The following OCIAD2 variants were observed in gnomAD, a reference collection of about 807,000 sequenced individuals.
OCIAD2 encodes the protein OCIA domain-containing protein 2.
Under a neutral mutation model 22.9 loss-of-function variants are expected in OCIAD2, and 29 were observed. That is an observed-to-expected ratio of 1.27 (90% CI 0.94 to 1.73). The LOEUF is 1.73. OCIAD2 is among the 40% of genes most tolerant of loss of function. The pLI, the probability that OCIAD2 is intolerant of heterozygous loss-of-function variation, is 0.00. For synonymous variants in OCIAD2, 67 were observed against 60.2 expected (o/e 1.11, Z -0.52); for missense variants, 189 against 180.3 (o/e 1.05, Z -0.28).
chr4:48,903,237 G>A (rs1263421378), intron 2 of OCIAD2, among the ~76,000 whole-genome samples: 1 of 152,096 alleles, frequency 6.6e-6, no homozygotes, highest in Non-Finnish European at 1.5e-5. Context: ...TTGTTTCCAT[G>A]TTAACACTTG....
intron 4 of OCIAD2, 43 bp from the exon 5 acceptor site, chr4:48,894,096 A>G (rs765281608): frequency 3.9e-6 from 4 of 1,016,710 alleles, no homozygotes; most frequent in Non-Finnish European, 5.5e-6. Context: ...CATTTCATAA[A>G]TTAAATTATA....
chr4:48,889,332 A>G (rs573370145), intron 6 of OCIAD2, among the ~76,000 whole-genome samples: 1 of 152,056 alleles, frequency 6.6e-6, no homozygotes, highest in South Asian at 2.1e-4. Flanking sequence ...TTATGTCTCT[A>G]TCTCCTGAAA....
chr4:48,895,261 T>C (rs1202759351), intron 4 of OCIAD2, among the ~76,000 whole-genome samples: 3 of 152,222 alleles, frequency 2.0e-5, no homozygotes, highest in Admixed American at 2.0e-4. Context: ...AGTCACTCTG[T>C]GGTAATTTGT....
intron 6 of OCIAD2, among the ~76,000 whole-genome samples, chr4:48,889,058 T>G (rs1326332692): frequency 6.6e-6 from 1 of 152,234 alleles, no homozygotes; most frequent in East Asian, 1.9e-4. Flanking sequence ...CTTCCTGGTT[T>G]AGTCTTGGGA....
rs1781208180 is a variant in OCIAD2, at chr4:48,892,857, C to G, written c.298G>C (p.Val100Leu). ...AGLLGFGLGKVSYIGVCQSKF... is the reference protein window; with the variant it reads ...AGLLGFGLGKLSYIGVCQSKF... ...CTCTGGCATACTCCTATGTATGATACCTTTCCAAGGCCAAATCCCAAGAGA... is the reference window on the plus strand; with the variant it reads ...CTCTGGCATACTCCTATGTATGATAGCTTTCCAAGGCCAAATCCCAAGAGA... Residue 100 changes from valine (V) to leucine (L), a missense_variant, in exon 6 of 7, where the codon GTA (valine) becomes CTA (leucine). Val to Leu is a conservative substitution (Grantham distance 32, BLOSUM62 1). Coordinates refer to ENST00000508632, the MANE Select transcript of OCIAD2 (RefSeq NM_001014446.3). 1.2e-6 allele frequency: 2 copies of G among 1,610,204 alleles called. No individual in the cohort carries two copies. The highest frequency in any genetic ancestry group is 3.4e-5 in the Admixed American group (2 of 59,626).
At chr4:48,899,374 C>T (rs148286357) in intron 3 of OCIAD2, among the ~76,000 whole-genome samples, 15 of 152,208 alleles carry the variant, frequency 9.9e-5, no homozygotes, top group African/African-American at 3.4e-4. Context: ...ATTAATGGAA[C>T]GCGGCCATTC....
chr4:48,894,271 A>G (rs1285221152), intron 4 of OCIAD2, among the ~76,000 whole-genome samples: 1 of 152,088 alleles, frequency 6.6e-6, no homozygotes, highest in Non-Finnish European at 1.5e-5. Flanking sequence ...CGGGCAGATC[A>G]CCTGAGGTCA....
At chr4:48,885,634 T>C (rs756139066) in intron 6 of OCIAD2, 69 bp from the exon 7 acceptor site, 13 of 776,292 alleles carry the variant, frequency 1.7e-5, no homozygotes, top group Non-Finnish European at 2.7e-5. Flanking sequence ...TTACATAACA[T>C]ATTATTCTTA....
At chr4:48,889,421 A>C (rs1781098519) in intron 6 of OCIAD2, among the ~76,000 whole-genome samples, 1 of 152,336 alleles carries the variant, frequency 6.6e-6, no homozygotes. Flanking sequence ...CAAGAAAAAA[A>C]CAACCCCATC....
At chr4:48,887,123 G>T (rs1182437017) in intron 6 of OCIAD2, among the ~76,000 whole-genome samples, 2 of 152,110 alleles carry the variant, frequency 1.3e-5, no homozygotes, top group Admixed American at 1.3e-4. Context: ...GTGTCTTTTG[G>T]CTGCATAAAT....
intron 3 of OCIAD2, among the ~76,000 whole-genome samples, chr4:48,898,707 T>C (rs1781353706): frequency 2.0e-5 from 3 of 152,182 alleles, no homozygotes; most frequent in Non-Finnish European, 4.4e-5. Context: ...AAAATCCAAA[T>C]TAAAGATTAC....
chr4:48,892,590 G>A (rs138311968), intron 6 of OCIAD2, among the ~76,000 whole-genome samples, 182 bp downstream of exon 6: 11 of 152,238 alleles, frequency 7.2e-5, no homozygotes, highest in African/African-American at 2.2e-4. Context: ...AATGAAATTG[G>A]TAAGTAAGTG....
Position 48,885,059 on chromosome 4 carries a change from C to T in OCIAD2, c.*425G>A, listed in dbSNP as rs770399438. The T allele has an allele frequency of 5.1e-4, 90 of 176,620 alleles. No homozygotes were observed. The highest frequency in any genetic ancestry group is 5.1e-3 in the Middle Eastern group (2 of 392). 10.9% of individuals were successfully genotyped at this position (176,620 alleles called of 1,614,324 possible). A position where few individuals can be genotyped will look rare whatever the true frequency, so the allele number is the denominator to read the frequency against. ...GGAGTGCAGTGGCACAATCTCTGCT[C>T]GCTGCAACTTTCGCCTCCTGGGTTC... is the stretch of plus-strand genomic sequence containing the variant. On this transcript the variant is annotated 3_prime_UTR_variant, in exon 7 of 7. Coordinates refer to ENST00000508632, the MANE Select transcript of OCIAD2 (RefSeq NM_001014446.3).
At chr4:48,891,664 G>A (rs1300927059) in intron 6 of OCIAD2, among the ~76,000 whole-genome samples, 1 of 152,198 alleles carries the variant, frequency 6.6e-6, no homozygotes, top group African/African-American at 2.4e-5. Context: ...CTTTACTTGT[G>A]CTACTTTTTC....
chr4:48,901,774 G>C (rs1379167062), intron 2 of OCIAD2, among the ~76,000 whole-genome samples: 1 of 151,788 alleles, frequency 6.6e-6, no homozygotes, highest in Non-Finnish European at 1.5e-5. Context: ...ACAGGGTCTC[G>C]CTCTGTCACC....
At chr4:48,891,969 T>A (rs897944177) in intron 6 of OCIAD2, among the ~76,000 whole-genome samples, 1 of 152,212 alleles carries the variant, frequency 6.6e-6, no homozygotes, top group African/African-American at 2.4e-5. Flanking sequence ...GCCCCATCTA[T>A]CACTACAGGA....
chr4:48,887,655 G>A (rs971825016), intron 6 of OCIAD2, among the ~76,000 whole-genome samples: 14 of 152,148 alleles, frequency 9.2e-5, no homozygotes, highest in African/African-American at 1.7e-4. Context: ...GTAGATATGC[G>A]GCATTATTTC....
chr4:48,885,373 G>A lies in OCIAD2; in HGVS notation c.*111C>T. The A allele has an allele frequency of 1.4e-6, 1 of 728,630 alleles. No individual in the cohort carries two copies. The highest frequency in any genetic ancestry group is 2.5e-6 in the Non-Finnish European group (1 of 402,420). 45.1% of individuals were successfully genotyped at this position (728,630 alleles called of 1,614,324 possible). A position where few individuals can be genotyped will look rare whatever the true frequency, so the allele number is the denominator to read the frequency against. ...ACGGAATACATTTCAGTGAGTGACAGACACAATGTTTTTGTTCCATTAGAA... is the reference window on the plus strand; with the variant it reads ...ACGGAATACATTTCAGTGAGTGACAAACACAATGTTTTTGTTCCATTAGAA... On this transcript the variant is annotated 3_prime_UTR_variant, in exon 7 of 7. Coordinates refer to ENST00000508632, the MANE Select transcript of OCIAD2 (RefSeq NM_001014446.3).
At chr4:48,904,831 C>T (rs1277688236) in intron 1 of OCIAD2, among the ~76,000 whole-genome samples, 4 of 152,194 alleles carry the variant, frequency 2.6e-5, no homozygotes, top group African/African-American at 9.7e-5. Context: ...AAATACCACA[C>T]TGTGCACTGA....
Sources: gnomAD v4.1 joint callset for allele counts (sites outside exome capture counted in the v4.1 genomes callset) on GRCh38, gnomAD v4.1.1 for gene constraint, MANE v1.5 for transcripts, NCBI Gene and HGNC (gene_info 2026-07-23, HGNC 2026-07-21) for gene names.